The following PRKG1 variants were observed in gnomAD, a reference collection of about 807,000 sequenced individuals.
The protein encoded by PRKG1 is cGMP-dependent protein kinase 1.
A neutral mutation model predicts 88.1 loss-of-function variants in PRKG1; 35 were observed. The observed-to-expected ratio is 0.40, with a 90% CI of 0.30 to 0.53. PRKG1 has a LOEUF of 0.53. PRKG1 is among the 20% of genes least tolerant of loss of function. The pLI, the probability that PRKG1 is intolerant of heterozygous loss-of-function variation, is 0.59. For synonymous variants in PRKG1, 303 were observed against 292.5 expected, an observed-to-expected ratio of 1.04 and a Z score of -0.37; for missense variants, 540 against 839.8, an observed-to-expected ratio of 0.64 and a Z score of 4.41.
chr10:51,651,321 C>T (rs1197326231), intron 3 of PRKG1, among the ~76,000 whole-genome samples: 1 of 152,098 alleles, frequency 6.6e-6, no homozygotes, highest in Non-Finnish European at 1.5e-5. Context: ...TCAAATGACT[C>T]AGTCCTCCTC....
At chr10:51,237,809 T>C (rs1347400137) in intron 2 of PRKG1, among the ~76,000 whole-genome samples, 1 of 152,188 alleles carries the variant, frequency 6.6e-6, no homozygotes, top group African/African-American at 2.4e-5. Context: ...AAAGCACTGA[T>C]ATCCTTCTCT....
At chr10:52,102,277 C>T (rs1489375984) in intron 7 of PRKG1, among the ~76,000 whole-genome samples, 1 of 151,884 alleles carries the variant, frequency 6.6e-6, no homozygotes, top group Non-Finnish European at 1.5e-5. Context: ...GTTTCCTTGC[C>T]CCAAACACAA....
chr10:51,684,702 C>T (rs1201642426), intron 3 of PRKG1, among the ~76,000 whole-genome samples: 4 of 151,880 alleles, frequency 2.6e-5, no homozygotes, highest in Admixed American at 1.3e-4. Flanking sequence ...CCTGTCTCCA[C>T]CAAAAATACA....
At chr10:51,504,192 G>C (rs757748239) in intron 3 of PRKG1, among the ~76,000 whole-genome samples, 4 of 152,078 alleles carry the variant, frequency 2.6e-5, no homozygotes, top group Non-Finnish European at 4.4e-5. Flanking sequence ...AGATTTTAAA[G>C]GTGCAAAGAA....
chr10:51,420,412 A>C (rs1838376523), intron 2 of PRKG1, among the ~76,000 whole-genome samples: 1 of 152,166 alleles, frequency 6.6e-6, no homozygotes, highest in Non-Finnish European at 1.5e-5. Context: ...GCAAACTCCC[A>C]GTTGATGCCC....
At chr10:52,227,009 A>G (rs1840405306) in intron 9 of PRKG1, among the ~76,000 whole-genome samples, 1 of 152,196 alleles carries the variant, frequency 6.6e-6, no homozygotes, top group Non-Finnish European at 1.5e-5. Context: ...TATCAGTGGA[A>G]TAAAAATGTA....
chr10:52,019,290 CA>C (rs1845121811), intron 5 of PRKG1, among the ~76,000 whole-genome samples: 1 of 152,156 alleles, frequency 6.6e-6, no homozygotes, highest in African/African-American at 2.4e-5. Context: ...TTGTGAGGGA[CA>C]AACATCCAAA....
Position 51,952,408 on chromosome 10 carries a change from A to G in PRKG1, c.762+44838A>G, listed in dbSNP as rs76940552. Among the ~76,000 whole-genome samples, 1,299 of 152,288 alleles carry G rather than the reference A, an allele frequency of 8.5e-3. 16 individuals are homozygous for G. Among genetic ancestry groups the G allele is most frequent in the African/African-American group, 0.029 (1,210 of 41,550 alleles). ...CATTTAGGGTTGGAGTCTGAGCTCT[A>G]CTACTTACTAGCTGGGGGACTTTAG... On this transcript the variant is annotated intron_variant, in intron 5 of 17. Coordinates refer to ENST00000373980, the MANE Select transcript of PRKG1 (RefSeq NM_006258.4).
chr10:51,100,393 C>T (rs1272228975), intron 1 of PRKG1, among the ~76,000 whole-genome samples: 1 of 152,140 alleles, frequency 6.6e-6, no homozygotes, highest in African/African-American at 2.4e-5. Context: ...AGAAACCACA[C>T]TCAGCCACTC....
chr10:51,472,647 G>A (rs1485968934), intron 3 of PRKG1, among the ~76,000 whole-genome samples: 4 of 151,988 alleles, frequency 2.6e-5, no homozygotes, highest in Middle Eastern at 3.4e-3. Context: ...TATCATTGTA[G>A]AGCACCATGA....
At chr10:51,567,592 A>G (rs1837639862) in intron 3 of PRKG1, among the ~76,000 whole-genome samples, 1 of 152,032 alleles carries the variant, frequency 6.6e-6, no homozygotes, top group African/African-American at 2.4e-5. Flanking sequence ...TTTAAAAACC[A>G]TACTGTTTTT....
chr10:51,905,600 T>C (rs1842069870), intron 4 of PRKG1, among the ~76,000 whole-genome samples: 1 of 152,174 alleles, frequency 6.6e-6, no homozygotes, highest in Non-Finnish European at 1.5e-5. Context: ...TGATAACCTT[T>C]TGTTTTTTTT....
chr10:51,024,440 C>T (rs564721379), intron 1 of PRKG1, among the ~76,000 whole-genome samples: 1 of 152,084 alleles, frequency 6.6e-6, no homozygotes, highest in Non-Finnish European at 1.5e-5. Flanking sequence ...GTACTAAGTT[C>T]TACGTACTTG....
rs4417221 is a variant in PRKG1, at chr10:51,711,198, C to T, written c.593-93387C>T. Among the ~76,000 whole-genome samples the T allele has an allele frequency of 4.9e-3, 742 of 152,192 alleles. 4 individuals carry two copies. Among genetic ancestry groups the T allele is most frequent in the Middle Eastern group, 0.034 (10 of 294 alleles). On this transcript the variant is annotated intron_variant, in intron 3 of 17. Transcript: ENST00000373980. ...TTGGCTCACTGCAAGCTCTGCCTCC[C>T]GGGTTCATGCCATTCTCCTGTCTCA... is the stretch of plus-strand genomic sequence containing the variant.
chr10:51,404,775 A>C (rs955441556), intron 2 of PRKG1, among the ~76,000 whole-genome samples: 5 of 152,188 alleles, frequency 3.3e-5, no homozygotes, highest in Non-Finnish European at 7.4e-5. Context: ...TATTAATGTC[A>C]AATGCACATT....
chr10:51,742,428 A>G (rs1837458503), intron 3 of PRKG1, among the ~76,000 whole-genome samples: 1 of 152,362 alleles, frequency 6.6e-6, no homozygotes, highest in South Asian at 2.1e-4. Flanking sequence ...AGATAAGAAC[A>G]TGAGTTAAGA....
At chr10:51,615,976 C>A (rs1039790160) in intron 3 of PRKG1, among the ~76,000 whole-genome samples, 1 of 152,126 alleles carries the variant, frequency 6.6e-6, no homozygotes, top group Non-Finnish European at 1.5e-5. Context: ...TTTTGTAGGG[C>A]AGGACTTTTT....
intron 4 of PRKG1, among the ~76,000 whole-genome samples, chr10:51,880,706 A>C (rs1281897785): frequency 1.3e-5 from 2 of 152,256 alleles, no homozygotes; most frequent in South Asian, 2.1e-4. Context: ...CCCCAGTAAA[A>C]CCTCACACTG....
At chr10:51,962,893 G>A (rs1222226529) in intron 5 of PRKG1, among the ~76,000 whole-genome samples, 1 of 152,176 alleles carries the variant, frequency 6.6e-6, no homozygotes, top group African/African-American at 2.4e-5. Context: ...TCGGTGAGAT[G>A]AGTGGGGGAA....
Sources: allele counts gnomAD v4.1 joint callset (sites outside exome capture counted in the v4.1 genomes callset), GRCh38; gene constraint gnomAD v4.1.1; transcripts MANE v1.5; gene names NCBI Gene and HGNC (gene_info 2026-07-23, HGNC 2026-07-21).